Variants in SEMA6D observed in about 807,000 individuals in gnomAD.
SEMA6D encodes the protein semaphorin 6D.
In SEMA6D, 35 loss-of-function variants were observed where a neutral mutation model predicts 106.6. That is an observed-to-expected ratio of 0.33 (90% confidence interval 0.25 to 0.44). The LOEUF is 0.44. SEMA6D is among the 20% of genes least tolerant of loss of function. The pLI, the probability that SEMA6D is intolerant of heterozygous loss-of-function variation, is 1.00. For missense variants in SEMA6D, 1,185 were observed against 1,345.9 expected, an observed-to-expected ratio of 0.88 and a Z score of 1.87; for synonymous variants, 499 against 487.7, an observed-to-expected ratio of 1.02 and a Z score of -0.31.
At chr15:47,385,462 T>C (rs1335415019) in intron 1 of SEMA6D, among the ~76,000 whole-genome samples, 1 of 152,130 alleles carries the variant, frequency 6.6e-6, no homozygotes, top group African/African-American at 2.4e-5. Flanking sequence ...AAAAATTCAT[T>C]TCTTTTTGTT....
chr15:47,627,793 T>C (rs2144407459), intron 4 of SEMA6D, among the ~76,000 whole-genome samples: 1 of 152,136 alleles, frequency 6.6e-6, no homozygotes, highest in Middle Eastern at 3.4e-3. Context: ...AGAGTATAGC[T>C]CCATCACTGC....
intron 1 of SEMA6D, among the ~76,000 whole-genome samples, chr15:47,230,769 G>A (rs938671882): frequency 1.3e-5 from 2 of 152,006 alleles, no homozygotes; most frequent in African/African-American, 4.8e-5. Context: ...CACTAGGGGT[G>A]AGGCCAACAA....
chr15:47,207,424 CT>C (rs1417165797), intron 1 of SEMA6D, among the ~76,000 whole-genome samples: 3 of 152,140 alleles, frequency 2.0e-5, no homozygotes, highest in African/African-American at 7.2e-5. Flanking sequence ...TCAGAAAACT[CT>C]TCTGAGTCTC....
At chr15:47,512,048 T>G (rs562601978) in intron 3 of SEMA6D, among the ~76,000 whole-genome samples, 29 of 152,348 alleles carry the variant, frequency 1.9e-4, no homozygotes, top group African/African-American at 7.0e-4. Flanking sequence ...GATTTTAGGT[T>G]GTAATTAAAG....
chr15:47,295,703 C>G (rs2035776993), intron 1 of SEMA6D, among the ~76,000 whole-genome samples: 1 of 152,224 alleles, frequency 6.6e-6, no homozygotes, highest in African/African-American at 2.4e-5. Context: ...GAATTAAGCA[C>G]AGAGTTAAAA....
At chr15:47,409,728 G>A (rs2453908) in intron 1 of SEMA6D, among the ~76,000 whole-genome samples, 2,827 of 152,158 alleles carry the variant, frequency 0.019, 96 homozygotes, top group African/African-American at 0.065. Flanking sequence ...CCAAGCTAAG[G>A]TTAAGACCAG....
At chr15:47,639,119 G>A (rs956186537) in intron 4 of SEMA6D, among the ~76,000 whole-genome samples, 6 of 152,144 alleles carry the variant, frequency 3.9e-5, no homozygotes, top group African/African-American at 9.7e-5. Context: ...AGGCTCAAAG[G>A]TTGAGGGCAG....
intron 1 of SEMA6D, among the ~76,000 whole-genome samples, chr15:47,307,110 G>A (rs1010970725): frequency 1.3e-5 from 2 of 152,116 alleles, no homozygotes; most frequent in Non-Finnish European, 2.9e-5. Context: ...GATAATAATA[G>A]CATTTATCTT....
chr15:47,679,439 G>C (rs2078306883), intron 4 of SEMA6D, among the ~76,000 whole-genome samples: 2 of 152,100 alleles, frequency 1.3e-5, no homozygotes, highest in Admixed American at 1.3e-4. Flanking sequence ...TTTGGCCTTG[G>C]TTCTTTTATT....
At chr15:47,766,529 G>A (rs1414525421) in intron 15 of SEMA6D, 87 bp from the exon 16 acceptor site, 1 of 1,142,562 alleles carries the variant, frequency 8.8e-7, no homozygotes, top group East Asian at 2.4e-5. Context: ...TTACTAATCA[G>A]TCTGTGTTCT....
At chr15:47,314,704 G>T (rs890422471) in intron 1 of SEMA6D, among the ~76,000 whole-genome samples, 1 of 149,980 alleles carries the variant, frequency 6.7e-6, no homozygotes, top group Non-Finnish European at 1.5e-5. Context: ...CCTGTGGCTT[G>T]TCTTTGCAGT....
At chr15:47,449,927 T>G (rs2042138281) in intron 2 of SEMA6D, among the ~76,000 whole-genome samples, 1 of 152,128 alleles carries the variant, frequency 6.6e-6, no homozygotes, top group African/African-American at 2.4e-5. Context: ...CCTGAGTACT[T>G]ATTTTAAAAT....
intron 1 of SEMA6D, among the ~76,000 whole-genome samples, chr15:47,285,819 C>T: frequency 6.6e-6 from 1 of 152,174 alleles, no homozygotes; most frequent in East Asian, 1.9e-4. Context: ...TCTCTAGTCT[C>T]ATTTCTATCC....
chr15:47,371,256 T>TCA (rs2145402485), intron 1 of SEMA6D, among the ~76,000 whole-genome samples: 1 of 152,344 alleles, frequency 6.6e-6, no homozygotes, highest in African/African-American at 2.4e-5. Flanking sequence ...AAACGTGCCC[T>TCA]CACAGTCCAG....
intron 1 of SEMA6D, among the ~76,000 whole-genome samples, chr15:47,335,014 G>T (rs1471846245): frequency 6.6e-6 from 1 of 152,134 alleles, no homozygotes; most frequent in African/African-American, 2.4e-5. Flanking sequence ...GTCTCTCTGA[G>T]CTCAGGCCTC....
intron 1 of SEMA6D, chr15:47,393,601 C>G (rs1051553908): frequency 6.6e-6 from 1 of 152,180 alleles, no homozygotes; most frequent in Admixed American, 6.5e-5. Flanking sequence ...CAAATATATA[C>G]AGCTTATGTA....
rs204219 is a variant in SEMA6D at position 47,423,915 on chromosome 15, G to A, written c.-159+11443G>A. ...AATAATACTAAAATCATTTAAAGAT[G>A]ACAGTTACCATTGCAACCAGGCATA... is the stretch of plus-strand genomic sequence containing the variant. On this transcript the variant is annotated intron_variant, in intron 2 of 19. Coordinates refer to the SEMA6D transcript ENST00000558014. Among the ~76,000 whole-genome samples, 1,209 of 152,124 alleles carry A rather than the reference G, an allele frequency of 7.9e-3. 18 individuals are homozygous for A. The highest frequency in any genetic ancestry group is 0.028 in the African/African-American group (1,159 of 41,512).
At chr15:47,556,290 T>G (rs1368159753) in intron 3 of SEMA6D, among the ~76,000 whole-genome samples, 1 of 152,170 alleles carries the variant, frequency 6.6e-6, no homozygotes, top group Admixed American at 6.6e-5. Context: ...TCCTTTCCGA[T>G]TCCCCGTATG....
At chr15:47,492,555 A>G (rs2043506323) in intron 3 of SEMA6D, among the ~76,000 whole-genome samples, 1 of 152,182 alleles carries the variant, frequency 6.6e-6, no homozygotes, top group Admixed American at 6.5e-5. Flanking sequence ...GCAATATATA[A>G]AGGTGTTTTG....
Sources: allele counts gnomAD v4.1 joint callset (sites outside exome capture counted in the v4.1 genomes callset), GRCh38; gene constraint gnomAD v4.1.1; transcripts MANE v1.5; gene names NCBI Gene and HGNC (gene_info 2026-07-23, HGNC 2026-07-21).